The following BMERB1 variants were observed in gnomAD, a reference collection of about 807,000 sequenced individuals.
BMERB1 encodes the protein bMERB domain-containing protein 1.
BMERB1 carries 12 observed loss-of-function variants against 23.6 expected under a neutral mutation model. The observed-to-expected ratio is 0.51, with a 90% confidence interval of 0.33 to 0.82. The LOEUF (loss-of-function observed/expected upper bound fraction) is 0.82. Ranked by LOEUF, BMERB1 falls within the 40% of genes least tolerant of loss-of-function variation. BMERB1 has a pLI of 0.03. For synonymous variants in BMERB1, 122 were observed against 96.6 expected (o/e 1.26, Z -1.54); for missense variants, 247 against 255.4 (o/e 0.97, Z 0.22).
chr16:15,571,249 G>T (rs1348162063), intron 3 of BMERB1, among the ~76,000 whole-genome samples: 1 of 152,092 alleles, frequency 6.6e-6, no homozygotes, highest in Admixed American at 6.6e-5. Context: ...AGCGAGGTCA[G>T]GGGGGTGTGC....
chr16:15,506,332 C>T (rs990841626), intron 1 of BMERB1, among the ~76,000 whole-genome samples: 12 of 151,872 alleles, frequency 7.9e-5, no homozygotes, highest in East Asian at 3.9e-4. Flanking sequence ...CCCGCCACCA[C>T]GCCCGGCTAA....
At position 15,578,277 on chromosome 16, in the gene BMERB1, T is replaced by A. The variant is rs1021789682; in HGVS notation, c.305-2940T>A. 2.0e-5 allele frequency among the ~76,000 whole-genome samples: 3 copies of A among 151,170 alleles called. No homozygotes were observed. The Admixed American group carries it at 2.0e-4, about 10-fold the overall frequency. On this transcript the variant is annotated intron_variant, in intron 3 of 5. Coordinates refer to ENST00000300006, the MANE Select transcript of BMERB1 (RefSeq NM_033201.3). ...CAGGGTCTGGCTGTGTTGCCCAGGC[T>A]GGTCTAGAACTCCCAGGCTTAAGTG...
chr16:15,583,955 A>T, intron 5 of BMERB1: 1 of 697,096 alleles, frequency 1.4e-6, no homozygotes, highest in Non-Finnish European at 2.6e-6. Flanking sequence ...GGTGCATTTC[A>T]TAGAAAGAAT....
intron 1 of BMERB1, among the ~76,000 whole-genome samples, chr16:15,498,601 AAAGG>A (rs984109850): frequency 5.3e-5 from 8 of 151,364 alleles, no homozygotes; most frequent in African/African-American, 1.9e-4. Context: ...GGGAAGGGAG[AAAGG>A]AAGGAAGGAA....
intron 2 of BMERB1, among the ~76,000 whole-genome samples, chr16:15,524,993 T>G (rs2051892807): frequency 6.6e-6 from 1 of 152,204 alleles, no homozygotes; most frequent in South Asian, 2.1e-4. Flanking sequence ...GATTATCAAT[T>G]TTATGCATCA....
At chr16:15,551,825 A>C (rs906410219) in intron 2 of BMERB1, among the ~76,000 whole-genome samples, 5 of 152,184 alleles carry the variant, frequency 3.3e-5, no homozygotes, top group African/African-American at 9.7e-5. Context: ...TGGCGGCAGG[A>C]GAGAGACAGC....
At chr16:15,511,005 A>G (rs1038449441) in intron 1 of BMERB1, among the ~76,000 whole-genome samples, 3 of 151,760 alleles carry the variant, frequency 2.0e-5, no homozygotes, top group Non-Finnish European at 2.9e-5. Context: ...CCCAGCCAAT[A>G]TTAATATTTC....
intron 1 of BMERB1, among the ~76,000 whole-genome samples, chr16:15,446,037 T>A (rs2050985953): frequency 6.6e-6 from 1 of 152,096 alleles, no homozygotes. Flanking sequence ...GAAATTATTT[T>A]AAAAACTTAA....
rs940010003 is a variant in BMERB1 at position 15,586,861 on chromosome 16, C to G, written c.*32C>G. 1.1e-6 allele frequency: 1 copy of G among 918,864 alleles called. No individual in the cohort carries two copies. The highest frequency in any genetic ancestry group is 1.5e-6 in the Non-Finnish European group (1 of 685,722). 56.9% of individuals were successfully genotyped at this position (918,864 alleles called of 1,614,324 possible). A position where few individuals can be genotyped will look rare whatever the true frequency, so the allele number is the denominator to read the frequency against. On this transcript the variant is annotated 3_prime_UTR_variant, in exon 6 of 6. Coordinates refer to ENST00000300006, the MANE Select transcript of BMERB1 (RefSeq NM_033201.3). Reference sequence around the variant, plus strand: ...CGTGGGGTGCCCTGGGCCATGGGGACCCCCCCCCACCCTCTTGTCTTTATA... The same window carrying G: ...CGTGGGGTGCCCTGGGCCATGGGGAGCCCCCCCCACCCTCTTGTCTTTATA...
chr16:15,546,868 T>C (rs2029933518), intron 2 of BMERB1, among the ~76,000 whole-genome samples: 1 of 152,156 alleles, frequency 6.6e-6, no homozygotes. Context: ...ACACCCCCAA[T>C]AAAACTTGTT....
At chr16:15,555,142 A>G (rs2030216679) in intron 2 of BMERB1, among the ~76,000 whole-genome samples, 1 of 152,086 alleles carries the variant, frequency 6.6e-6, no homozygotes, top group Non-Finnish European at 1.5e-5. Context: ...TGGTGTGATC[A>G]TGGCTCACCC....
chr16:15,512,600 C>A (rs1249725085), intron 1 of BMERB1, among the ~76,000 whole-genome samples: 2 of 151,958 alleles, frequency 1.3e-5, no homozygotes, highest in African/African-American at 4.8e-5. Flanking sequence ...AAAAGAAGAC[C>A]TGGTGTGGTG....
chr16:15,442,413 A>G (rs1350284984), intron 1 of BMERB1, among the ~76,000 whole-genome samples: 1 of 152,158 alleles, frequency 6.6e-6, no homozygotes, highest in Non-Finnish European at 1.5e-5. Flanking sequence ...TTGCAAAACT[A>G]TTATAGCAGT....
At chr16:15,517,285 G>T (rs552495914) in intron 2 of BMERB1, among the ~76,000 whole-genome samples, 7 of 152,290 alleles carry the variant, frequency 4.6e-5, no homozygotes, top group African/African-American at 1.7e-4. Flanking sequence ...GAGGTAGGTA[G>T]ATCACTTGAG....
intron 1 of BMERB1, among the ~76,000 whole-genome samples, chr16:15,508,635 G>A (rs903610363): frequency 6.6e-5 from 10 of 151,860 alleles, no homozygotes; most frequent in African/African-American, 2.4e-4. Flanking sequence ...ACCAGCCTGG[G>A]CAACATGGCA....
intron 1 of BMERB1, among the ~76,000 whole-genome samples, chr16:15,461,516 G>A (rs1182282193): frequency 2.6e-5 from 4 of 151,892 alleles, no homozygotes; most frequent in South Asian, 4.2e-4. Context: ...GGAATAAAAC[G>A]GGCAAAACCA....
intron 1 of BMERB1, among the ~76,000 whole-genome samples, chr16:15,445,098 G>A (rs1465122571): frequency 6.6e-6 from 1 of 152,076 alleles, no homozygotes; most frequent in Non-Finnish European, 1.5e-5. Flanking sequence ...TTGGTATGTT[G>A]CCCAGGCTGG....
intron 1 of BMERB1, among the ~76,000 whole-genome samples, chr16:15,482,190 A>C (rs2051327885): frequency 2.0e-5 from 3 of 152,106 alleles, no homozygotes; most frequent in Non-Finnish European, 2.9e-5. Flanking sequence ...GAGTAGAACC[A>C]GCCTTGAGAG....
intron 1 of BMERB1, among the ~76,000 whole-genome samples, chr16:15,473,373 C>T (rs2051247262): frequency 6.6e-6 from 1 of 151,778 alleles, no homozygotes; most frequent in Admixed American, 6.6e-5. Context: ...TCACTGCAAC[C>T]TCGACCTCCC....
Sources: gnomAD v4.1 joint callset for allele counts (sites outside exome capture counted in the v4.1 genomes callset) on GRCh38, gnomAD v4.1.1 for gene constraint, MANE v1.5 for transcripts, NCBI Gene and HGNC (gene_info 2026-07-23, HGNC 2026-07-21) for gene names.